Variants in SLC17A8 observed in about 807,000 individuals in gnomAD.
SLC17A8 encodes vesicular glutamate transporter 3.
A neutral mutation model predicts 58.0 loss-of-function variants in SLC17A8; 31 were observed. The ratio of observed to expected loss-of-function variants is 0.53; its 90% CI spans 0.40 to 0.72. SLC17A8 has a LOEUF of 0.72. SLC17A8 is among the 30% of genes least tolerant of loss of function. The pLI is 0.00. For missense variants in SLC17A8, 655 were observed against 727.8 expected (o/e 0.90, Z 1.15); for synonymous variants, 228 against 249.0 (o/e 0.92, Z 0.79).
rs777589838 is a variant in SLC17A8, at chr12:100,380,818, C to T, written c.219C>T (p.Pro73=). Residue 73 remains proline (P), a synonymous_variant, in exon 2 of 12, where the codon CCC becomes CCT. Coordinates refer to ENST00000323346, the MANE Select transcript of SLC17A8 (RefSeq NM_139319.3). ...GCGACTGCCACTGCTGCGGCCTCCCCAAGCGTTACATCATTGCTATCATGA... is the reference window on the plus strand; with the variant it reads ...GCGACTGCCACTGCTGCGGCCTCCCTAAGCGTTACATCATTGCTATCATGA... ...PLCDCHCCGL[P]KRYIIAIMSG... is the part of the protein sequence containing the mutation. 3 of 1,614,144 alleles carry T rather than the reference C, an allele frequency of 1.9e-6. No homozygotes were observed. Among genetic ancestry groups the T allele is most frequent in the African/African-American group, 2.7e-5 (2 of 75,020 alleles).
intron 10 of SLC17A8, among the ~76,000 whole-genome samples, chr12:100,416,394 C>T (rs1952906682): frequency 6.6e-6 from 1 of 152,198 alleles, no homozygotes; most frequent in Non-Finnish European, 1.5e-5. Context: ...ATATTCTGAT[C>T]ATTTGGCACA....
intron 9 of SLC17A8, among the ~76,000 whole-genome samples, chr12:100,409,174 T>C (rs1462400168): frequency 1.3e-5 from 2 of 151,848 alleles, no homozygotes; most frequent in African/African-American, 2.4e-5. Flanking sequence ...TGTATGTATG[T>C]ATGTATGTAT....
intron 11 of SLC17A8, 132 bp downstream of exon 11, chr12:100,418,288 C>CT (rs558307535): frequency 0.01 from 10,014 of 967,910 alleles, 1 homozygote; most frequent in Non-Finnish European, 0.012. Flanking sequence ...AGCTGAACTT[C>CT]TTTTTTTTTT....
intron 1 of SLC17A8, among the ~76,000 whole-genome samples, chr12:100,369,238 T>C (rs915213586): frequency 2.0e-5 from 3 of 152,146 alleles, no homozygotes; most frequent in Non-Finnish European, 2.9e-5. Flanking sequence ...ATCCCACCAC[T>C]GCACTCCAGC....
chr12:100,361,801 A>G (rs1206746356), intron 1 of SLC17A8, among the ~76,000 whole-genome samples: 1 of 152,184 alleles, frequency 6.6e-6, no homozygotes. Flanking sequence ...TCTCTACTAA[A>G]AGACAAAAAA....
Position 100,402,457 on chromosome 12 carries a change from G to A in SLC17A8, c.881G>A (p.Gly294Glu), listed in dbSNP as rs1202687044. 3 of 1,614,018 alleles carry A rather than the reference G, an allele frequency of 1.9e-6. No individual in the cohort carries two copies. The South Asian group carries it at 3.3e-5, about 18-fold the overall frequency. Reference protein sequence around the residue: ...KTYIETSIGEGANVVSLSKFS... With the variant: ...KTYIETSIGEEANVVSLSKFS... ...TATATAGAGACAAGCATAGGAGAGGGGGCCAACGTGGTTAGTCTAAGTGTA... is the reference window on the plus strand; with the variant it reads ...TATATAGAGACAAGCATAGGAGAGGAGGCCAACGTGGTTAGTCTAAGTGTA... Residue 294 changes from glycine (G) to glutamate (E), a missense_variant, in exon 7 of 12, where the codon GGG (glycine) becomes GAG (glutamate). Gly to Glu is a moderately conservative substitution (Grantham distance 98). Transcript: ENST00000323346.
chr12:100,362,726 T>C (rs529662169), intron 1 of SLC17A8, among the ~76,000 whole-genome samples: 3 of 152,122 alleles, frequency 2.0e-5, no homozygotes, highest in East Asian at 3.9e-4. Flanking sequence ...CAAGACTCTA[T>C]GGTTGTAATT....
chr12:100,381,593 C>T (rs199799985), intron 2 of SLC17A8, among the ~76,000 whole-genome samples: 11 of 103,152 alleles, frequency 1.1e-4, no homozygotes, highest in African/African-American at 4.3e-4. Context: ...AGAGAGAGAA[C>T]GTACACATGC....
At chr12:100,370,109 T>A (rs893709730) in intron 1 of SLC17A8, among the ~76,000 whole-genome samples, 4 of 152,050 alleles carry the variant, frequency 2.6e-5, no homozygotes, top group Non-Finnish European at 5.9e-5. Context: ...TTTATTTTTT[T>A]ATTTATTTAA....
chr12:100,393,924 T>C (rs776891197), intron 4 of SLC17A8, among the ~76,000 whole-genome samples: 1 of 152,212 alleles, frequency 6.6e-6, no homozygotes, highest in African/African-American at 2.4e-5. Context: ...TTTTGGACTT[T>C]ACAGGCCTTA....
chr12:100,375,454 G>A (rs561748310), intron 1 of SLC17A8, among the ~76,000 whole-genome samples: 1 of 152,312 alleles, frequency 6.6e-6, no homozygotes, highest in South Asian at 2.1e-4. Flanking sequence ...GAGTCCTAGA[G>A]CCAGTCGCTG....
intron 1 of SLC17A8, among the ~76,000 whole-genome samples, chr12:100,365,861 A>G (rs1168593205): frequency 6.6e-6 from 1 of 152,180 alleles, no homozygotes; most frequent in African/African-American, 2.4e-5. Context: ...CAGCAGGTCC[A>G]GAAGGTCTCT....
At chr12:100,378,057 A>C (rs575723146) in intron 1 of SLC17A8, among the ~76,000 whole-genome samples, 2 of 152,270 alleles carry the variant, frequency 1.3e-5, no homozygotes, top group African/African-American at 4.8e-5. Flanking sequence ...CTAGTTATAA[A>C]GATTGGGAGC....
At chr12:100,363,643 G>A (rs1209252846) in intron 1 of SLC17A8, among the ~76,000 whole-genome samples, 2 of 152,144 alleles carry the variant, frequency 1.3e-5, no homozygotes, top group African/African-American at 2.4e-5. Flanking sequence ...TGGCGTTACA[G>A]GTGCATAACT....
intron 4 of SLC17A8, among the ~76,000 whole-genome samples, chr12:100,396,023 T>C (rs1952751143): frequency 6.6e-6 from 1 of 152,192 alleles, no homozygotes; most frequent in African/African-American, 2.4e-5. Context: ...CTACCTTCTC[T>C]TTGTCTGCCC....
intron 1 of SLC17A8, among the ~76,000 whole-genome samples, chr12:100,371,668 C>T (rs1952559789): frequency 6.6e-6 from 1 of 152,222 alleles, no homozygotes. Context: ...CTGCTTCAGC[C>T]TCCTGAGTAG....
In SLC17A8 at chr12:100,402,521, A is replaced by C; in HGVS notation, c.903+42A>C. ...AGATGAAGACTTACCTTTTTTCATA[A>C]GTGATTGTGTTGCCTTCTTACAGAA... On this transcript the variant is annotated intron_variant, in intron 7 of 11. Transcript: ENST00000323346. 4 of 1,613,214 alleles carry C rather than the reference A, an allele frequency of 2.5e-6. No individual in the cohort carries two copies. In the South Asian group the frequency reaches 4.4e-5, roughly 18 times the overall value.
chr12:100,402,134 A>G (rs1259733851), intron 6 of SLC17A8, among the ~76,000 whole-genome samples: 1 of 152,234 alleles, frequency 6.6e-6, no homozygotes, highest in Non-Finnish European at 1.5e-5. Flanking sequence ...CCATTTGGAA[A>G]TATTGTAAAG....
intron 1 of SLC17A8, among the ~76,000 whole-genome samples, chr12:100,375,687 A>C (rs73374484): frequency 0.044 from 6,709 of 152,338 alleles, 432 homozygotes; most frequent in African/African-American, 0.14. Context: ...ATGTATATAG[A>C]GAGCGCTAAG....
Sources: gnomAD v4.1 joint callset for allele counts (sites outside exome capture counted in the v4.1 genomes callset) on GRCh38, gnomAD v4.1.1 for gene constraint, MANE v1.5 for transcripts, NCBI Gene and HGNC (gene_info 2026-07-23, HGNC 2026-07-21) for gene names.